FSTL5: variants seen among roughly 807,000 people sequenced by gnomAD.
The protein encoded by FSTL5 is follistatin like 5, also known as follistatin-related protein 5.
FSTL5 carries 62 observed loss-of-function variants against 89.1 expected under a neutral mutation model. The observed-to-expected ratio is 0.70, with a 90% CI of 0.57 to 0.86. The LOEUF (loss-of-function observed/expected upper bound fraction) is 0.86, where lower values mean the gene tolerates loss of function less well. FSTL5 is among the 40% of genes least tolerant of loss of function. The probability of loss-of-function intolerance (pLI) is 0.00; values close to 1 mark genes in which losing one functional copy is unlikely to be tolerated. For synonymous variants in FSTL5, 383 were observed against 346.2 expected, an observed-to-expected ratio of 1.11 and a Z score of -1.18; for missense variants, 1,057 against 1,001.6, an observed-to-expected ratio of 1.06 and a Z score of -0.75.
intron 9 of FSTL5, among the ~76,000 whole-genome samples, chr4:161,540,401 ATAC>A (rs1410692490): frequency 6.6e-6 from 1 of 151,532 alleles, no homozygotes; most frequent in Admixed American, 6.6e-5. Context: ...TCCCATCATA[ATAC>A]TAACTTCACT....
At chr4:161,740,715 ATT>A in intron 6 of FSTL5, among the ~76,000 whole-genome samples, 1 of 36,828 alleles carries the variant, frequency 2.7e-5, no homozygotes, top group South Asian at 1.0e-3. Context: ...GAATTCAGTG[ATT>A]GATTGTTGTT....
At position 161,665,868 on chromosome 4, in the gene FSTL5, TA is replaced by T. The variant is rs879350463; in HGVS notation, c.728-9375del. Among the ~76,000 whole-genome samples the T allele has an allele frequency of 2.9e-3, 427 of 149,194 alleles. 2 individuals are homozygous for T. Among genetic ancestry groups the T allele is most frequent in the Non-Finnish European group, 5.1e-3 (345 of 67,244 alleles). ...ATGCAAGGAGTGGACAGCAAAAAAA[TA>T]AAAAAGAAGATGAAGAAGAAGAAGA... On this transcript the variant is annotated intron_variant, in intron 6 of 15. Transcript: ENST00000306100.
At chr4:162,061,564 A>G (rs1738719405) in intron 2 of FSTL5, among the ~76,000 whole-genome samples, 1 of 152,218 alleles carries the variant, frequency 6.6e-6, no homozygotes, top group Non-Finnish European at 1.5e-5. Flanking sequence ...AACTGAAGGC[A>G]GTATCTGTGG....
intron 6 of FSTL5, among the ~76,000 whole-genome samples, chr4:161,729,196 C>G (rs1486140146): frequency 4.6e-5 from 7 of 152,148 alleles, no homozygotes; most frequent in East Asian, 1.9e-4. Context: ...TTCAAGGTAT[C>G]TTTTTTAGAG....
At chr4:161,873,782 T>A (rs1193039517) in intron 4 of FSTL5, among the ~76,000 whole-genome samples, 1 of 151,874 alleles carries the variant, frequency 6.6e-6, no homozygotes, top group Non-Finnish European at 1.5e-5. Flanking sequence ...TAATTTTGCA[T>A]TTTTAACTTT....
chr4:162,079,244 A>C (rs1561007310), intron 2 of FSTL5, among the ~76,000 whole-genome samples: 1 of 151,770 alleles, frequency 6.6e-6, no homozygotes, highest in Non-Finnish European at 1.5e-5. Flanking sequence ...TAACAAAATT[A>C]GTGCAATGAA....
chr4:161,881,371 T>G (rs934474373), intron 4 of FSTL5, among the ~76,000 whole-genome samples: 3 of 151,876 alleles, frequency 2.0e-5, no homozygotes, highest in Non-Finnish European at 4.4e-5. Flanking sequence ...GACTTGAGGA[T>G]GCAAGGGTAT....
chr4:161,829,629 A>C (rs953786837), intron 4 of FSTL5, among the ~76,000 whole-genome samples: 4 of 152,088 alleles, frequency 2.6e-5, no homozygotes, highest in African/African-American at 9.7e-5. Context: ...AATGAGAAGG[A>C]AACAATAATC....
At chr4:161,461,244 C>T in intron 13 of FSTL5, among the ~76,000 whole-genome samples, 1 of 142,048 alleles carries the variant, frequency 7.0e-6, no homozygotes. Flanking sequence ...ATCAGGAGGT[C>T]AGGAGATAGA....
At chr4:161,685,395 C>T (rs566817869) in intron 6 of FSTL5, among the ~76,000 whole-genome samples, 1 of 152,200 alleles carries the variant, frequency 6.6e-6, no homozygotes, top group African/African-American at 2.4e-5. Flanking sequence ...GATGTGTTTC[C>T]ATTTGTTTGT....
chr4:161,929,092 C>T (rs359492), intron 3 of FSTL5, among the ~76,000 whole-genome samples: 10,008 of 151,330 alleles, frequency 0.066, 429 homozygotes, highest in African/African-American at 0.12. Flanking sequence ...CTAGATTTGT[C>T]TTCCTTCCTT....
chr4:161,873,775 T>C (rs1210323396), intron 4 of FSTL5, among the ~76,000 whole-genome samples: 1 of 151,774 alleles, frequency 6.6e-6, no homozygotes, highest in Non-Finnish European at 1.5e-5. Context: ...TATGTTTTAA[T>C]TTTGCATTTT....
chr4:161,853,592 A>G (rs556659487), intron 4 of FSTL5, among the ~76,000 whole-genome samples: 49 of 151,932 alleles, frequency 3.2e-4, no homozygotes, highest in African/African-American at 1.1e-3. Context: ...AAAATCTTAA[A>G]CTTTCCTAAA....
chr4:161,581,483 A>G (rs1265178262), intron 8 of FSTL5, among the ~76,000 whole-genome samples: 1 of 152,232 alleles, frequency 6.6e-6, no homozygotes, highest in Admixed American at 6.5e-5. Context: ...TACCACACCC[A>G]GTGCAGAGAT....
chr4:161,626,554 G>C (rs1301906973), intron 7 of FSTL5, among the ~76,000 whole-genome samples: 1 of 152,146 alleles, frequency 6.6e-6, no homozygotes, highest in Non-Finnish European at 1.5e-5. Context: ...AGCTCTGATG[G>C]AGATGTGCAA....
intron 10 of FSTL5, among the ~76,000 whole-genome samples, chr4:161,513,751 A>G (rs1730728953): frequency 6.6e-6 from 1 of 152,162 alleles, no homozygotes; most frequent in Admixed American, 6.6e-5. Context: ...TAAAAGAAAT[A>G]CCACATGTTC....
intron 4 of FSTL5, among the ~76,000 whole-genome samples, chr4:161,904,162 G>C (rs1733454595): frequency 6.6e-6 from 1 of 151,592 alleles, no homozygotes; most frequent in Non-Finnish European, 1.5e-5. Flanking sequence ...TTTAATAACA[G>C]AGACTCACAA....
chr4:161,889,395 A>G (rs1297934777), intron 4 of FSTL5, among the ~76,000 whole-genome samples: 4 of 152,086 alleles, frequency 2.6e-5, no homozygotes, highest in African/African-American at 9.7e-5. Context: ...GTAATCCCAG[A>G]ACTTCTGGAG....
intron 2 of FSTL5, among the ~76,000 whole-genome samples, chr4:162,064,079 T>G (rs929108314): frequency 5.3e-5 from 8 of 152,036 alleles, no homozygotes; most frequent in Admixed American, 3.3e-4. Context: ...TTTAGCTGTT[T>G]CTTCTTTTGT....
Sources: gnomAD v4.1 joint callset for allele counts (sites outside exome capture counted in the v4.1 genomes callset) on GRCh38, gnomAD v4.1.1 for gene constraint, MANE v1.5 for transcripts, NCBI Gene and HGNC (gene_info 2026-07-23, HGNC 2026-07-21) for gene names.